The following KLKB1 variants were observed in gnomAD, a reference collection of about 807,000 sequenced individuals.
KLKB1 encodes kallikrein B1.
In KLKB1, 58 loss-of-function variants were observed where a neutral mutation model predicts 73.6. The observed-to-expected ratio is 0.79, with a 90% CI of 0.64 to 0.98. KLKB1 has a LOEUF of 0.98. KLKB1 is among the 50% of genes least tolerant of loss of function. KLKB1 has a pLI of 0.00. For missense variants in KLKB1, 737 were observed against 763.8 expected (o/e 0.96, Z 0.41); for synonymous variants, 280 against 258.1 (o/e 1.08, Z -0.81).
chr4:186,233,724 GA>G lies in KLKB1; in HGVS notation c.222-227del, dbSNP rs1737520761. 2.6e-5 allele frequency among the ~76,000 whole-genome samples: 4 copies of G among 152,222 alleles called. No individual in the cohort carries two copies. In the South Asian group the frequency reaches 8.3e-4, roughly 32 times the overall value. On this transcript the variant is annotated intron_variant, in intron 3 of 14. Transcript: ENST00000264690. The stretch of plus-strand genomic sequence containing the variant: ...AAATCATTAACTCTTTAATATGGTT[GA>G]TTTCCTGTACTTAAAAAATGTGAGT...
chr4:186,230,754 A>G (rs896301156), intron 2 of KLKB1, among the ~76,000 whole-genome samples: 2 of 152,198 alleles, frequency 1.3e-5, no homozygotes, highest in Non-Finnish European at 2.9e-5. Flanking sequence ...AGGACCTGCC[A>G]TTGTATGCAT....
At chr4:186,220,633 A>C (rs142944880) in intron 2 of KLKB1, among the ~76,000 whole-genome samples, 1 of 152,340 alleles carries the variant, frequency 6.6e-6, no homozygotes, top group East Asian at 1.9e-4. Flanking sequence ...ATTGAGTTGC[A>C]TATGTTGAAC....
At chr4:186,226,747 G>T (rs969626247), upstream of KLKB1, among the ~76,000 whole-genome samples, 7 of 152,192 alleles carry the variant, frequency 4.6e-5, no homozygotes, top group Non-Finnish European at 1.0e-4. Context: ...ACATGGCCCA[G>T]CATGGAGCCA....
At chr4:186,232,677 C>T (rs1393322538) in intron 3 of KLKB1, among the ~76,000 whole-genome samples, 5 of 152,224 alleles carry the variant, frequency 3.3e-5, no homozygotes, top group East Asian at 1.9e-4. Context: ...ATCACATTAG[C>T]GGATAGCACA....
At chr4:186,232,921 T>G (rs1554076759) in intron 3 of KLKB1, among the ~76,000 whole-genome samples, 1 of 151,902 alleles carries the variant, frequency 6.6e-6, no homozygotes, top group Non-Finnish European at 1.5e-5. Flanking sequence ...ACTTACGATT[T>G]TGTGTGTGTG....
At chr4:186,228,885 G>C (rs976636015) in intron 2 of KLKB1, 1 of 152,230 alleles carries the variant, frequency 6.6e-6, no homozygotes, top group Non-Finnish European at 1.5e-5. Context: ...AGTTTTCTCT[G>C]TGTCCCCACA....
At chr4:186,254,824 G>A in intron 12 of KLKB1, 61 bp downstream of exon 12, 6 of 1,427,348 alleles carry the variant, frequency 4.2e-6, no homozygotes, top group Non-Finnish European at 4.9e-6. Context: ...TTTCATATCA[G>A]TTTGAACAAG....
At chr4:186,215,481 T>A (rs1349997126) in intron 2 of KLKB1, among the ~76,000 whole-genome samples, 1 of 151,744 alleles carries the variant, frequency 6.6e-6, no homozygotes, top group Non-Finnish European at 1.5e-5. Flanking sequence ...ATTCTACCTC[T>A]AGGCTTTGCG....
At chr4:186,216,423 C>T (rs1258832808) in intron 2 of KLKB1, among the ~76,000 whole-genome samples, 2 of 151,986 alleles carry the variant, frequency 1.3e-5, no homozygotes, top group Non-Finnish European at 2.9e-5. Context: ...AGAAGCGTTA[C>T]GCAGAAAGAC....
At chr4:186,227,913 C>T (rs111648974) in intron 1 of KLKB1, among the ~76,000 whole-genome samples, 2 of 152,144 alleles carry the variant, frequency 1.3e-5, no homozygotes, top group Non-Finnish European at 2.9e-5. Flanking sequence ...TACTCTCTCT[C>T]TACCAATTCC....
chr4:186,234,811 A>G (rs1737570901), intron 4 of KLKB1, among the ~76,000 whole-genome samples: 3 of 152,212 alleles, frequency 2.0e-5, no homozygotes, highest in Admixed American at 2.0e-4. Context: ...AGACAAATGA[A>G]CTATTTCTCA....
intron 3 of KLKB1, 57 bp from the exon 4 acceptor site, chr4:186,233,895 A>G: frequency 8.2e-7 from 1 of 1,213,678 alleles, no homozygotes. Flanking sequence ...AATGCTAGAC[A>G]TTTCCTCAAT....
intron 4 of KLKB1, among the ~76,000 whole-genome samples, chr4:186,235,908 G>A (rs1737642387): frequency 6.6e-6 from 1 of 151,972 alleles, no homozygotes; most frequent in South Asian, 2.1e-4. Flanking sequence ...GAGGTCAGGA[G>A]ATCGAGACCA....
At chr4:186,250,464 T>A in intron 7 of KLKB1, 62 bp downstream of exon 7, 3 of 1,553,558 alleles carry the variant, frequency 1.9e-6, no homozygotes, top group Non-Finnish European at 2.7e-6. Context: ...CTTGCTGCTG[T>A]ACTTTCATCA....
chr4:186,243,058 C>T (rs542467814), intron 6 of KLKB1, among the ~76,000 whole-genome samples: 4 of 152,180 alleles, frequency 2.6e-5, no homozygotes, highest in East Asian at 3.9e-4. Flanking sequence ...AGTGTCTACC[C>T]AGACCAAGAG....
intron 6 of KLKB1, among the ~76,000 whole-genome samples, chr4:186,246,331 G>A (rs1040500207): frequency 6.6e-6 from 1 of 152,034 alleles, no homozygotes; most frequent in East Asian, 1.9e-4. Context: ...TGGGATTGAG[G>A]GGACAGATGG....
At chr4:186,236,045 CG>C (rs1367847319) in intron 4 of KLKB1, among the ~76,000 whole-genome samples, 77 of 143,276 alleles carry the variant, frequency 5.4e-4, no homozygotes, top group African/African-American at 1.8e-3. Context: ...ACCCGGGAGG[CG>C]GAGCTTGCAG....
At chr4:186,253,816 A>G (rs1738836931) in intron 11 of KLKB1, among the ~76,000 whole-genome samples, 2 of 144,622 alleles carry the variant, frequency 1.4e-5, no homozygotes, top group South Asian at 4.2e-4. Flanking sequence ...ATACAGATAT[A>G]TTTTATTTTA....
rs778577606 is a variant in KLKB1, at chr4:186,256,997, C to CTGTG, written c.1586-228_1586-227insGTGT. On this transcript the variant is annotated intron_variant, in intron 13 of 14. Transcript: ENST00000264690. ...CCTCTTCCTCTCTCTGTCTCTCTCT[C>CTGTG]TCTGTGTGTGTGTGTGTGTGTGTGT... 0.099 allele frequency among the ~76,000 whole-genome samples: 14,714 copies of CTGTG among 148,566 alleles called. 781 individuals carry two copies. The highest frequency in any genetic ancestry group is 0.19 in the South Asian group (860 of 4,626).
Sources: gnomAD v4.1 joint callset for allele counts (sites outside exome capture counted in the v4.1 genomes callset) on GRCh38, gnomAD v4.1.1 for gene constraint, MANE v1.5 for transcripts, NCBI Gene and HGNC (gene_info 2026-07-23, HGNC 2026-07-21) for gene names.